Variants in PGGHG observed in about 807,000 individuals in gnomAD.
The protein encoded by PGGHG is protein-glucosylgalactosylhydroxylysine glucosidase.
A neutral mutation model predicts 74.5 loss-of-function variants in PGGHG; 67 were observed. That is an observed-to-expected ratio of 0.90 (90% CI 0.74 to 1.10). The LOEUF (loss-of-function observed/expected upper bound fraction) is 1.10. PGGHG is among the 50% of genes least tolerant of loss of function. PGGHG has a pLI of 0.00. For synonymous variants in PGGHG, 496 were observed against 419.9 expected, an observed-to-expected ratio of 1.18 and a Z score of -2.21; for missense variants, 1,034 against 981.5, an observed-to-expected ratio of 1.05 and a Z score of -0.72.
chr11:290,289 A>G, intron 2 of PGGHG, 101 bp from the exon 3 acceptor site: 1 of 1,388,762 alleles, frequency 7.2e-7, no homozygotes, highest in Non-Finnish European at 9.7e-7. Context: ...GCCCAGAGGG[A>G]TCCGCCTCAT....
At position 289,941 on chromosome 11, in the gene PGGHG, T is replaced by G; in HGVS notation, c.125T>G (p.Val42Gly). 6.4e-7 allele frequency: 1 copy of G among 1,550,700 alleles called. No individual in the cohort carries two copies. The highest frequency in any genetic ancestry group is 8.7e-7 in the Non-Finnish European group (1 of 1,146,908). Reference sequence around the variant, plus strand: ...CGAGTGTTTCACGACACGCTGCACGTGAGCGGCGTGTACAATGGGGCTGGC... The same window carrying G: ...CGAGTGTTTCACGACACGCTGCACGGGAGCGGCGTGTACAATGGGGCTGGC... ...GTRVFHDTLH[V>G]SGVYNGAGGD... Residue 42 changes from valine (V) to glycine (G), a missense_variant, in exon 2 of 14, where the codon GTG (valine) becomes GGG (glycine). Val to Gly is a moderately radical substitution (Grantham distance 109, BLOSUM62 -3). Transcript: ENST00000409548. This position sits in a 1 kb window ranked among gnomAD's most constrained non-coding sequence, Gnocchi z 5.6.
rs146423793 is a variant in PGGHG, at chr11:294,120, G to A, written c.1732G>A (p.Gly578Arg). 173 of 1,611,476 alleles carry A rather than the reference G, an allele frequency of 1.1e-4. No individual in the cohort carries two copies. The African/African-American group carries it at 2.0e-3, about 19-fold the overall frequency. The change falls in exon 12 of 14, where the codon GGG (glycine) becomes AGG (arginine). Residue 578 changes from glycine to arginine, a missense_variant. By Grantham distance (125) the Gly-to-Arg change is moderately radical (BLOSUM62 -2). Transcript: ENST00000409548. ...PFKVWTENAD[G>R]SGAVNFLTGM... The stretch of plus-strand genomic sequence containing the variant: ...GCAGGTGTGGACGGAGAATGCAGAC[G>A]GGTCAGGCGCTGTGAACTTCCTGAC...
chr11:291,553 C>T (rs1052506733), intron 4 of PGGHG: 26 of 258,822 alleles, frequency 1.0e-4, no homozygotes, highest in East Asian at 8.8e-4. Flanking sequence ...GGGCACAGAG[C>T]GGAGGGGCAT....
chr11:291,105 T>C lies in PGGHG; in HGVS notation c.898T>C (p.Trp300Arg). Residue 300 changes from tryptophan (W) to arginine (R), a missense_variant, in exon 4 of 14, where the codon TGG becomes CGG. Trp to Arg is a moderately radical substitution (Grantham distance 101). Coordinates refer to ENST00000409548, the MANE Select transcript of PGGHG (RefSeq NM_025092.5). ...GGAATGCTACTGGGGCCACGTCTTC[T>C]GGGACCAGGTGAGCACTGTACACCC... ...REECYWGHVF[W>R]DQDLWMFPSI... 1 of 1,579,632 alleles carries C rather than the reference T, an allele frequency of 6.3e-7. No individual in the cohort carries two copies. Among genetic ancestry groups the C allele is most frequent in the Admixed American group, 1.7e-5 (1 of 57,674 alleles).
At chr11:292,726 G>A (rs751539733) in intron 6 of PGGHG, 49 bp downstream of exon 6, 6 of 1,611,912 alleles carry the variant, frequency 3.7e-6, no homozygotes, top group South Asian at 3.3e-5. Context: ...CAGGCAGCTG[G>A]TGTAGCCCCC....
In PGGHG at chr11:294,690, G is replaced by C. The variant is rs756526874; in HGVS notation, c.2155G>C (p.Val719Leu). The change falls in exon 14 of 14, where the codon GTC (valine) becomes CTC (leucine). Residue 719 changes from valine (V) to leucine (L), a missense_variant. Coordinates refer to ENST00000409548, the MANE Select transcript of PGGHG (RefSeq NM_025092.5). The part of the protein sequence containing the change: ...VRDPLQSPLW[V>L]TLGSSSPTES... The stretch of plus-strand genomic sequence containing the variant: ...GGACCCGCTCCAGAGCCCCCTCTGG[G>C]TCACCCTGGGTTCCTCCAGCCCCAC... 6.2e-7 allele frequency: 1 copy of C among 1,613,392 alleles called. No homozygotes were observed. Among genetic ancestry groups the C allele is most frequent in the East Asian group, 2.2e-5 (1 of 44,870 alleles).
chr11:292,348 C>A (rs1404070214), intron 5 of PGGHG, among the ~76,000 whole-genome samples, 198 bp from the exon 6 acceptor site: 1 of 152,136 alleles, frequency 6.6e-6, no homozygotes, highest in African/African-American at 2.4e-5. Flanking sequence ...TGCCCTGCAC[C>A]AGGGTCAGCA....
Position 293,930 on chromosome 11 carries a change from G to C in PGGHG, c.1710+5G>C. 6.2e-7 allele frequency: 1 copy of C among 1,609,596 alleles called. No individual in the cohort carries two copies. Among genetic ancestry groups the C allele is most frequent in the Non-Finnish European group, 8.5e-7 (1 of 1,178,430 alleles). ...AACATGGCTGAACCCTTCAAGGTCA[G>C]CCTGGCCACACCTGCCTCCCACTGG... is the stretch of plus-strand genomic sequence containing the variant. On this transcript the variant is annotated splice_donor_5th_base_variant and intron_variant, in intron 11 of 13. Transcript: ENST00000409548.
chr11:294,280 G>A lies in PGGHG; in HGVS notation c.1822G>A (p.Gly608Ser). 1 of 1,608,756 alleles carries A rather than the reference G, an allele frequency of 6.2e-7. No individual in the cohort carries two copies. The highest frequency in any genetic ancestry group is 1.1e-5 in the South Asian group (1 of 90,286). The change falls in exon 13 of 14, where the codon GGT becomes AGT. Residue 608 changes from glycine to serine, a missense_variant. Coordinates refer to ENST00000409548, the MANE Select transcript of PGGHG (RefSeq NM_025092.5). Reference protein sequence around the residue: ...GCTGFRVTRAGVTFDPVCLSG... With the variant: ...GCTGFRVTRASVTFDPVCLSG... ...CTCCTCCCACAGGGTCACCCGAGCG[G>A]GTGTGACCTTTGACCCTGTGTGTCT...
Position 294,677 on chromosome 11 carries a change from G to T in PGGHG, c.2142G>T (p.Gln714His). The T allele has an allele frequency of 6.2e-7, 1 of 1,613,606 alleles. No individual in the cohort carries two copies. The highest frequency in any genetic ancestry group is 8.5e-7 in the Non-Finnish European group (1 of 1,179,928). ...TTTCAGATGTTAGGGACCCGCTCCA[G>T]AGCCCCCTCTGGGTCACCCTGGGTT... ...RTFSDVRDPL[Q>H]SPLWVTLGSS... is the part of the protein sequence containing the mutation. Residue 714 changes from glutamine (Q) to histidine (H), a missense_variant, in exon 14 of 14, where the codon CAG (glutamine) becomes CAT (histidine). Transcript: ENST00000409548.
Position 289,683 on chromosome 11 carries a change from G to A in PGGHG, c.-13-121G>A, listed in dbSNP as rs1054735083. 5 of 1,284,706 alleles carry A rather than the reference G, an allele frequency of 3.9e-6. No individual in the cohort carries two copies. In the African/African-American group the frequency reaches 4.5e-5, roughly 12 times the overall value. 79.6% of individuals were successfully genotyped at this position (1,284,706 alleles called of 1,614,324 possible). A position where few individuals can be genotyped will look rare whatever the true frequency, so the allele number is the denominator to read the frequency against. ...TAGGAGGGGCCTCAGGAAAATCGGGGCTGCCCAGCTGGTTCCGCAACTCCC... is the reference window on the plus strand; with the variant it reads ...TAGGAGGGGCCTCAGGAAAATCGGGACTGCCCAGCTGGTTCCGCAACTCCC... On this transcript the variant is annotated intron_variant, in intron 1 of 13. Coordinates refer to ENST00000409548, the MANE Select transcript of PGGHG (RefSeq NM_025092.5). This position sits in a 1 kb window ranked among gnomAD's most constrained non-coding sequence, Gnocchi z 5.6.
Position 294,798 on chromosome 11 carries a change from C to T in PGGHG, c.*49C>T, listed in dbSNP as rs777538322. 3.1e-5 allele frequency: 47 copies of T among 1,524,860 alleles called. No individual in the cohort carries two copies. Among genetic ancestry groups the T allele is most frequent in the Middle Eastern group, 1.8e-4 (1 of 5,644 alleles). The allele number at this position is 1,524,860 out of a possible 1,614,324, so 94.5% of individuals were successfully genotyped here. On this transcript the variant is annotated 3_prime_UTR_variant, in exon 14 of 14. Coordinates refer to ENST00000409548, the MANE Select transcript of PGGHG (RefSeq NM_025092.5). ...GTCTCTTGGGCCTTCCCTCTGGCCA[C>T]GTCTGCACCCACCCCTCCTGGGCAC...
chr11:291,985 A>C lies in PGGHG; in HGVS notation c.916A>C (p.Met306Leu), dbSNP rs1218798942. 1 of 1,609,680 alleles carries C rather than the reference A, an allele frequency of 6.2e-7. No homozygotes were observed. The highest frequency in any genetic ancestry group is 8.5e-7 in the Non-Finnish European group (1 of 1,178,586). The change falls in exon 5 of 14, where the codon ATG (methionine) becomes CTG (leucine). Residue 306 changes from methionine to leucine, a missense_variant. Coordinates refer to ENST00000409548, the MANE Select transcript of PGGHG (RefSeq NM_025092.5). ...GHVFWDQDLW[M>L]FPSILMFHPE... ...GGGACCGTGCTCTCAGGACCTCTGG[A>C]TGTTCCCGAGTATCCTGATGTTCCA...
intron 6 of PGGHG, 69 bp downstream of exon 6, chr11:292,746 G>A: frequency 6.2e-7 from 1 of 1,609,890 alleles, no homozygotes; most frequent in Non-Finnish European, 8.5e-7. Flanking sequence ...CACTCCTCGT[G>A]GCTTCCTGTT....
chr11:291,791 C>T, intron 4 of PGGHG, 185 bp from the exon 5 acceptor site: 1 of 859,830 alleles, frequency 1.2e-6, no homozygotes, highest in Non-Finnish European at 1.7e-6. Context: ...ACCAGAACTC[C>T]AGGAGCGTCT....
At position 294,999 on chromosome 11, in the gene PGGHG, C is replaced by T. The variant is rs1458205510; in HGVS notation, c.*250C>T. 5 of 436,568 alleles carry T rather than the reference C, an allele frequency of 1.1e-5. No homozygotes were observed. The highest frequency in any genetic ancestry group is 7.2e-5 in the East Asian group (2 of 27,892). The allele number at this position is 436,568 out of a possible 1,614,324, so 27.0% of individuals were successfully genotyped here. A position where few individuals can be genotyped will look rare whatever the true frequency, so the allele number is the denominator to read the frequency against. Reference sequence around the variant, plus strand: ...GCCTGCCCCTGTGGACTGATGCTATCGCGCACCGTCCCACGACCCCACCCC... The same window carrying T: ...GCCTGCCCCTGTGGACTGATGCTATTGCGCACCGTCCCACGACCCCACCCC... On this transcript the variant is annotated 3_prime_UTR_variant, in exon 14 of 14. Coordinates refer to ENST00000409548, the MANE Select transcript of PGGHG (RefSeq NM_025092.5).
chr11:294,229 GC>G (rs1845810575), intron 12 of PGGHG, 33 bp downstream of exon 12: 2 of 1,592,566 alleles, frequency 1.3e-6, no homozygotes, highest in Non-Finnish European at 1.7e-6. Flanking sequence ...GGCAGCCCAT[GC>G]CCCCACCTGC....
intron 4 of PGGHG, 103 bp downstream of exon 4, chr11:291,216 G>A: frequency 7.3e-7 from 1 of 1,378,270 alleles, no homozygotes; most frequent in African/African-American, 1.5e-5. Context: ...GAAGCACAGG[G>A]ACTGTGGCAA....
chr11:292,999 T>C lies in PGGHG; in HGVS notation c.1270+2T>C. The C allele has an allele frequency of 1.9e-6, 3 of 1,592,614 alleles. No homozygotes were observed. The highest frequency in any genetic ancestry group is 2.6e-6 in the Non-Finnish European group (3 of 1,167,890). ...GGGAGGAAAAGTACCACCTGAGGGG[T>C]GAGGCCATGGTGGGGAGGGGCTCGG... On this transcript the variant is annotated splice_donor_variant, in intron 7 of 13. Coordinates refer to ENST00000409548, the MANE Select transcript of PGGHG (RefSeq NM_025092.5). LOFTEE classifies it high-confidence loss of function.
Sources: allele counts gnomAD v4.1 joint callset (sites outside exome capture counted in the v4.1 genomes callset), GRCh38; gene constraint gnomAD v4.1.1; non-coding constraint Gnocchi (gnomAD v3.1); transcripts MANE v1.5; gene names NCBI Gene and HGNC (gene_info 2026-07-23, HGNC 2026-07-21).